Variants in SPTBN5 observed in about 807,000 individuals in gnomAD.
SPTBN5 encodes the protein spectrin beta chain, non-erythrocytic 5.
SPTBN5 carries 513 observed loss-of-function variants against 477.6 expected under a neutral mutation model. The ratio of observed to expected loss-of-function variants is 1.07; its 90% CI spans 1.00 to 1.16. The LOEUF is 1.16. SPTBN5 is among the 50% of genes most tolerant of loss of function. The pLI is 0.00. For synonymous variants in SPTBN5, 2,169 were observed against 2,011.7 expected, an observed-to-expected ratio of 1.08 and a Z score of -2.09; for missense variants, 5,062 against 4,731.8, an observed-to-expected ratio of 1.07 and a Z score of -2.05.
At position 41,876,581 on chromosome 15, in the gene SPTBN5, C is replaced by T. The variant is rs117652958; in HGVS notation, c.3918G>A (p.Arg1306=). 3,027 of 1,607,504 alleles carry T rather than the reference C, an allele frequency of 1.9e-3. 7 individuals carry two copies. Among genetic ancestry groups the T allele is most frequent in the Non-Finnish European group, 2.5e-3 (2,911 of 1,177,328 alleles). ...GGAGGGAAGCCAGCAACTGCCTCCT[C>T]CTCTGCTCACTCCTCCCCTGGAGCC... ...WTRLQGRSEQ[R]RRQLLASLQL... Residue 1306 remains arginine, a synonymous_variant, in exon 20 of 68, where the codon AGG becomes AGA. Transcript: ENST00000320955.
chr15:41,882,232 G>GGGCCCCCCC, intron 11 of SPTBN5, 37 bp downstream of exon 11: 1 of 1,254,138 alleles, frequency 8.0e-7, no homozygotes, highest in Non-Finnish European at 1.1e-6. Flanking sequence ...GCCTCGCCGG[G>GGGCCCCCCC]CCCCGCCCCC....
At chr15:41,870,065 T>G (rs1229092205) in intron 31 of SPTBN5, 45 bp from the exon 32 acceptor site, 1 of 1,454,360 alleles carries the variant, frequency 6.9e-7, no homozygotes, top group Non-Finnish European at 9.1e-7. Flanking sequence ...CATGTCCTCC[T>G]GATTATCCCA....
At chr15:41,850,804 G>A (rs560349655) in intron 66 of SPTBN5, 50 bp downstream of exon 66, 7 of 1,486,304 alleles carry the variant, frequency 4.7e-6, no homozygotes, top group Middle Eastern at 1.7e-4. Flanking sequence ...CCAGGAGCTT[G>A]GGGCCCAGGG....
chr15:41,857,038 A>G lies in SPTBN5; in HGVS notation c.8623T>C (p.Phe2875Leu), dbSNP rs1405351965. Residue 2875 changes from phenylalanine to leucine, a missense_variant and splice_region_variant, in exon 52 of 68, where the codon TTC (phenylalanine) becomes CTC (leucine). Physicochemically the swap from Phe to Leu is conservative, Grantham distance 22. Coordinates refer to ENST00000320955, the MANE Select transcript of SPTBN5 (RefSeq NM_016642.4). ...EEQARRLLQR[F>L]KSLREPLQER... The stretch of plus-strand genomic sequence containing the variant: ...TGCAGGGGCTCCCTCAGGCTCTTGA[A>G]CCTGCAGCGGTGGAGGGTGGGACCA... 2 of 1,600,568 alleles carry G rather than the reference A, an allele frequency of 1.2e-6. No individual in the cohort carries two copies. Among genetic ancestry groups the G allele is most frequent in the South Asian group, 1.1e-5 (1 of 88,820 alleles).
intron 31 of SPTBN5, 106 bp downstream of exon 31, chr15:41,870,137 G>T: frequency 6.9e-7 from 1 of 1,453,842 alleles, no homozygotes; most frequent in Non-Finnish European, 9.2e-7. Context: ...ATGCACAGGA[G>T]GCCCATGGGA....
chr15:41,873,702 G>T, intron 25 of SPTBN5, 94 bp from the exon 26 acceptor site: 1 of 1,452,384 alleles, frequency 6.9e-7, no homozygotes, highest in Non-Finnish European at 9.4e-7. Context: ...GCATCAAAGG[G>T]GCTTCTGTGC....
At chr15:41,868,691 T>G in intron 32 of SPTBN5, 90 bp from the exon 33 acceptor site, 1 of 1,381,974 alleles carries the variant, frequency 7.2e-7, no homozygotes, top group Non-Finnish European at 1.0e-6. Context: ...CCCACCTGAG[T>G]CCACTCACAC....
At chr15:41,867,730 A>G in intron 34 of SPTBN5, 88 bp from the exon 35 acceptor site, 1 of 1,265,886 alleles carries the variant, frequency 7.9e-7, no homozygotes, top group African/African-American at 1.5e-5. Context: ...CACTCTGGGT[A>G]TGGCAGGGCC....
chr15:41,882,783 GC>G (rs1257140856), intron 9 of SPTBN5, 45 bp from the exon 10 acceptor site: 1 of 1,584,042 alleles, frequency 6.3e-7, no homozygotes, highest in Non-Finnish European at 8.6e-7. Flanking sequence ...GAGTCGTGAG[GC>G]ATGGGCAGTG....
intron 32 of SPTBN5, 29 bp from the exon 33 acceptor site, chr15:41,868,630 G>A (rs775891045): frequency 3.6e-5 from 57 of 1,590,428 alleles, no homozygotes; most frequent in Middle Eastern, 1.7e-4. Flanking sequence ...AGGGAGAGCC[G>A]GGTGAGGGCT....
In SPTBN5 at chr15:41,875,070, A is replaced by G. The variant is rs76696661; in HGVS notation, c.4288-14T>C. 0.042 allele frequency: 67,220 copies of G among 1,599,896 alleles called. 1,714 individuals are homozygous for G. Among genetic ancestry groups the G allele is most frequent in the East Asian group, 0.083 (3,680 of 44,348 alleles). ...CTCCTTTGCATCCTGGGAGGGACGC[A>G]TGGAGCTGCATTAGGTTCTCTGTGT... On this transcript the variant is annotated splice_polypyrimidine_tract_variant and intron_variant, in intron 22 of 67. Transcript: ENST00000320955.
At chr15:41,851,898 G>C in intron 62 of SPTBN5, 48 bp from the exon 63 acceptor site, 1 of 1,508,542 alleles carries the variant, frequency 6.6e-7, no homozygotes, top group Middle Eastern at 2.4e-4. Flanking sequence ...AGCACCCTCA[G>C]GAAGGTGGGC....
chr15:41,870,496 TCTCGGTGTCTCGGAGCGCGTGGC>T lies in SPTBN5; in HGVS notation c.5489_5511del (p.Gly1830AspfsTer117), dbSNP rs1243243064. ...AGATCTCTGTGAACTCTGAGGGTGG[TCTCGGTGTCTCGGAGCGCGTGGC>T]CTCGGGCCTGGGTCAGCTCCCACAG... On this transcript the variant is annotated frameshift_variant, in exon 30 of 68. Transcript: ENST00000320955. LOFTEE classifies it high-confidence loss of function. The T allele has an allele frequency of 1.2e-6, 2 of 1,613,048 alleles. No homozygotes were observed. The highest frequency in any genetic ancestry group is 1.7e-6 in the Non-Finnish European group (2 of 1,179,748).
intron 34 of SPTBN5, 107 bp from the exon 35 acceptor site, chr15:41,867,749 GC>G: frequency 9.4e-7 from 1 of 1,060,364 alleles, no homozygotes; most frequent in Non-Finnish European, 1.4e-6. Context: ...CCTTAGGAGT[GC>G]CCACTGAGCT....
At chr15:41,870,944 C>T (rs1290943600) in intron 29 of SPTBN5, among the ~76,000 whole-genome samples, 1 of 152,244 alleles carries the variant, frequency 6.6e-6, no homozygotes, top group Non-Finnish European at 1.5e-5. Flanking sequence ...AAGGCTTCTG[C>T]CAGGCCAGGC....
At chr15:41,851,395 C>A (rs1322656007) in intron 63 of SPTBN5, 26 bp from the exon 64 acceptor site, 10 of 1,524,084 alleles carry the variant, frequency 6.6e-6, no homozygotes, top group Non-Finnish European at 3.6e-6. Flanking sequence ...GGGAAGGTCG[C>A]ATGAGCCACA....
Position 41,862,755 on chromosome 15 carries a change from A to G in SPTBN5, c.7263+35T>C, listed in dbSNP as rs756039737. Reference sequence around the variant, plus strand: ...TTGTGCCCAGGGTCCTACTCAGGAGATGCCCTGGGCCCAGCTCTACAGCCA... The same window carrying G: ...TTGTGCCCAGGGTCCTACTCAGGAGGTGCCCTGGGCCCAGCTCTACAGCCA... On this transcript the variant is annotated intron_variant, in intron 42 of 67. Transcript: ENST00000320955. 8 of 1,548,478 alleles carry G rather than the reference A, an allele frequency of 5.2e-6. No homozygotes were observed. In the African/African-American group the frequency reaches 1.1e-4, roughly 21 times the overall value.
chr15:41,880,255 C>T lies in SPTBN5; in HGVS notation c.2716G>A (p.Gly906Arg), dbSNP rs2140957479. ...TTCTCCAGCCACAACTGGAGCTCCC[C>T]ACAGGAACTGCAGAAACCGAACAGG... ...MALFGFCSSC[G>R]ELQLWLEKQT... Residue 906 changes from glycine (G) to arginine (R), a missense_variant, in exon 14 of 68, where the codon GGG becomes AGG. By Grantham distance (125) the Gly-to-Arg change is moderately radical. Coordinates refer to ENST00000320955, the MANE Select transcript of SPTBN5 (RefSeq NM_016642.4). The T allele has an allele frequency of 2.5e-6, 4 of 1,607,802 alleles. No homozygotes were observed. The East Asian group carries it at 6.7e-5, about 27-fold the overall frequency.
chr15:41,856,761 A>G, intron 52 of SPTBN5, 92 bp downstream of exon 52: 2 of 1,395,770 alleles, frequency 1.4e-6, no homozygotes, highest in Non-Finnish European at 1.9e-6. Context: ...CCACAGGCAG[A>G]GAGTTCCTGG....
Sources: gnomAD v4.1 joint callset for allele counts (sites outside exome capture counted in the v4.1 genomes callset) on GRCh38, gnomAD v4.1.1 for gene constraint, MANE v1.5 for transcripts, NCBI Gene and HGNC (gene_info 2026-07-23, HGNC 2026-07-21) for gene names.